Variants in KHDRBS2 observed in about 807,000 individuals in gnomAD.
KHDRBS2 encodes KH RNA binding domain containing, signal transduction associated 2, also known as KH domain-containing, RNA-binding, signal transduction-associated protein 2.
KHDRBS2 carries 26 observed loss-of-function variants against 44.3 expected under a neutral mutation model. The observed-to-expected ratio is 0.59, with a 90% CI of 0.43 to 0.81. The LOEUF (loss-of-function observed/expected upper bound fraction) is 0.81. Among genes scored for constraint, KHDRBS2 ranks in the 40% least tolerant of loss-of-function variants. The pLI, the probability that KHDRBS2 is intolerant of heterozygous loss-of-function variation, is 0.00. For synonymous variants in KHDRBS2, 194 were observed against 151.1 expected (o/e 1.28, Z -2.08); for missense variants, 476 against 433.1 (o/e 1.10, Z -0.88).
chr6:61,835,742 T>C (rs2127266698), intron 6 of KHDRBS2, among the ~76,000 whole-genome samples: 1 of 147,022 alleles, frequency 6.8e-6, no homozygotes, highest in Middle Eastern at 3.5e-3. Flanking sequence ...TGTGTGTGCA[T>C]GAGAGAGAAA....
the KHDRBS2 span, among the ~76,000 whole-genome samples, chr6:61,570,589 GA>G: frequency 6.6e-6 from 1 of 151,934 alleles, no homozygotes; most frequent in African/African-American, 2.4e-5. Flanking sequence ...AAATTCATCG[GA>G]AAAAAATCAT....
At chr6:61,640,466 C>A in the KHDRBS2 span, among the ~76,000 whole-genome samples, 1 of 152,188 alleles carries the variant, frequency 6.6e-6, no homozygotes, top group African/African-American at 2.4e-5. Context: ...ACACCTAAGA[C>A]CAATTCAAAT....
In KHDRBS2 at chr6:61,955,303, T is replaced by C. The variant is rs528596661; in HGVS notation, c.483+22763A>G. ...ATACTCATACGTATGTATGTATACA[T>C]ATATATGTATACATATACGTGTATA... On this transcript the variant is annotated intron_variant, in intron 4 of 8. Transcript: ENST00000281156. Among the ~76,000 whole-genome samples, 14 of 146,608 alleles carry C rather than the reference T, an allele frequency of 9.5e-5. 1 individual carries two copies. Among genetic ancestry groups the C allele is most frequent in the Admixed American group, 5.5e-4 (8 of 14,598 alleles).
chr6:62,108,946 T>C (rs887873878), intron 2 of KHDRBS2, among the ~76,000 whole-genome samples: 2 of 151,794 alleles, frequency 1.3e-5, no homozygotes, highest in Non-Finnish European at 2.9e-5. Flanking sequence ...GGGACTGTTG[T>C]GAGGTGGGAG....
At chr6:62,191,484 T>C (rs555504255) in intron 1 of KHDRBS2, among the ~76,000 whole-genome samples, 11 of 152,240 alleles carry the variant, frequency 7.2e-5, no homozygotes, top group African/African-American at 2.6e-4. Context: ...GCAACACTTT[T>C]GTCACTTTTT....
chr6:61,766,464 T>C (rs1396010109), intron 6 of KHDRBS2, among the ~76,000 whole-genome samples: 1 of 152,036 alleles, frequency 6.6e-6, no homozygotes, highest in Non-Finnish European at 1.5e-5. Context: ...TTAAATTTCA[T>C]TTATTTCTCC....
chr6:61,956,404 C>G (rs532242193), intron 4 of KHDRBS2, among the ~76,000 whole-genome samples: 16 of 152,200 alleles, frequency 1.1e-4, no homozygotes, highest in South Asian at 2.1e-4. Context: ...AAATTGAAGA[C>G]AAAACATTTT....
chr6:62,229,744 G>C (rs1217875231), intron 1 of KHDRBS2, among the ~76,000 whole-genome samples: 2 of 152,142 alleles, frequency 1.3e-5, no homozygotes, highest in Non-Finnish European at 2.9e-5. Flanking sequence ...CTGGGGGGTA[G>C]GGGCTCCCCT....
chr6:61,774,197 T>A (rs1781526682), intron 6 of KHDRBS2, among the ~76,000 whole-genome samples: 1 of 152,196 alleles, frequency 6.6e-6, no homozygotes, highest in African/African-American at 2.4e-5. Context: ...ATTGGTAGCT[T>A]GATGGGGATG....
At chr6:61,893,414 G>T (rs1344056879) in intron 6 of KHDRBS2, among the ~76,000 whole-genome samples, 3 of 152,028 alleles carry the variant, frequency 2.0e-5, no homozygotes, top group African/African-American at 4.8e-5. Context: ...TACCCAAAGG[G>T]TTATAAAGTA....
intron 6 of KHDRBS2, among the ~76,000 whole-genome samples, chr6:61,746,143 C>A (rs953820256): frequency 4.1e-4 from 62 of 152,012 alleles, no homozygotes; most frequent in African/African-American, 1.4e-3. Flanking sequence ...TGTACATGTG[C>A]CATGGTGGTT....
At chr6:61,547,177 C>A in the KHDRBS2 span, among the ~76,000 whole-genome samples, 1 of 152,116 alleles carries the variant, frequency 6.6e-6, no homozygotes, top group East Asian at 1.9e-4. Flanking sequence ...GCTCCGACAA[C>A]TCTCAATATT....
chr6:62,112,469 C>T (rs559044978), intron 2 of KHDRBS2, among the ~76,000 whole-genome samples: 76 of 152,204 alleles, frequency 5.0e-4, no homozygotes, highest in African/African-American at 1.8e-3. Context: ...TGGCATAAAA[C>T]ATTCAGGCAA....
chr6:61,892,897 C>G (rs975344321), intron 6 of KHDRBS2, among the ~76,000 whole-genome samples: 21 of 152,194 alleles, frequency 1.4e-4, no homozygotes, highest in African/African-American at 5.1e-4. Flanking sequence ...CCAAAATTGA[C>G]AAATGGGACC....
chr6:62,217,015 A>G (rs1164230404), intron 1 of KHDRBS2, among the ~76,000 whole-genome samples: 5 of 149,430 alleles, frequency 3.3e-5, no homozygotes, highest in South Asian at 2.1e-4. Flanking sequence ...TCTCAGAAAG[A>G]GATGATCTGA....
chr6:62,180,661 A>G (rs1822079216), intron 1 of KHDRBS2, among the ~76,000 whole-genome samples: 1 of 151,898 alleles, frequency 6.6e-6, no homozygotes, highest in Non-Finnish European at 1.5e-5. Context: ...CAAAATCCCA[A>G]TGACATTTTT....
intron 6 of KHDRBS2, among the ~76,000 whole-genome samples, chr6:61,799,593 C>T (rs899574112): frequency 1.7e-4 from 26 of 151,840 alleles, no homozygotes; most frequent in African/African-American, 3.1e-4. Flanking sequence ...ACTAGAGTTC[C>T]GCAAATAAAT....
intron 2 of KHDRBS2, among the ~76,000 whole-genome samples, chr6:62,141,957 A>G (rs2150098777): frequency 6.6e-6 from 1 of 152,234 alleles, no homozygotes; most frequent in East Asian, 1.9e-4. Context: ...AGGCAAAAAT[A>G]TCACTGAGTA....
intron 1 of KHDRBS2, among the ~76,000 whole-genome samples, chr6:62,225,133 G>A (rs546560610): frequency 2.4e-4 from 36 of 152,224 alleles, no homozygotes; most frequent in African/African-American, 8.7e-4. Flanking sequence ...ATCCTACAGT[G>A]CACAGAGCAG....
Sources: gnomAD v4.1 joint callset for allele counts (sites outside exome capture counted in the v4.1 genomes callset) on GRCh38, gnomAD v4.1.1 for gene constraint, MANE v1.5 for transcripts, NCBI Gene and HGNC (gene_info 2026-07-23, HGNC 2026-07-21) for gene names.